XXYLT1: variants seen among roughly 807,000 people sequenced by gnomAD.
XXYLT1 encodes xyloside xylosyltransferase 1, also known as UDP-xylose:alpha-xyloside alpha-1,3-xylosyltransferase.
Under a neutral mutation model 28.9 loss-of-function variants are expected in XXYLT1, and 20 were observed. The ratio of observed to expected loss-of-function variants is 0.69; its 90% CI spans 0.49 to 1.00. XXYLT1 has a LOEUF of 1.00. Ranked by LOEUF, XXYLT1 falls within the 50% of genes least tolerant of loss-of-function variation. The pLI is 0.00. For synonymous variants in XXYLT1, 257 were observed against 253.8 expected (o/e 1.01, Z -0.12); for missense variants, 542 against 560.1 (o/e 0.97, Z 0.33).
rs936769052 is a variant in XXYLT1, at chr3:195,209,270, T to C, written c.652+17439A>G. On this transcript the variant is annotated intron_variant, in intron 2 of 3. Transcript: ENST00000310380. This position sits in a 1 kb window ranked among gnomAD's most constrained non-coding sequence, Gnocchi z 5.0. Reference sequence around the variant, plus strand: ...TAAGGCAGAGGAGACCTACGCCAGGTCCCCGGAGACAAGCCGCTCTCAAAC... The same window carrying C: ...TAAGGCAGAGGAGACCTACGCCAGGCCCCCGGAGACAAGCCGCTCTCAAAC... The C allele has an allele frequency of 6.6e-6, 1 of 152,278 alleles. No individual in the cohort carries two copies. The highest frequency in any genetic ancestry group is 2.4e-5 in the African/African-American group (1 of 41,444). The allele number at this position is 152,278 out of a possible 1,614,324, so 9.4% of individuals were successfully genotyped here.
chr3:195,110,671 G>A (rs1202166054), intron 3 of XXYLT1, among the ~76,000 whole-genome samples: 1 of 58,382 alleles, frequency 1.7e-5, no homozygotes, highest in Non-Finnish European at 3.9e-5. Flanking sequence ...TGTGTGTGGT[G>A]TATGTGTGTG....
rs1471973399 is a variant in XXYLT1, at chr3:195,110,259, G to A, written c.786-40148C>T. Reference sequence around the variant, plus strand: ...TGGTGTGCGTGTGTGGGTGAAGTGTGTGTGGGTGTGTGGTGTGTGTGGGGT... The same window carrying A: ...TGGTGTGCGTGTGTGGGTGAAGTGTATGTGGGTGTGTGGTGTGTGTGGGGT... On this transcript the variant is annotated intron_variant, in intron 3 of 3. Coordinates refer to ENST00000310380, the MANE Select transcript of XXYLT1 (RefSeq NM_152531.5). 1.5e-4 allele frequency among the ~76,000 whole-genome samples: 12 copies of A among 79,714 alleles called. 1 individual carries two copies. Among genetic ancestry groups the A allele is most frequent in the Non-Finnish European group, 2.0e-4 (7 of 34,942 alleles). The allele number at this position is 79,714 out of a possible 152,430, so 52.3% of individuals were successfully genotyped here.
chr3:195,126,408 T>G (rs1718631736), intron 3 of XXYLT1, among the ~76,000 whole-genome samples: 1 of 152,222 alleles, frequency 6.6e-6, no homozygotes, highest in South Asian at 2.1e-4. Context: ...ATTCATTCAC[T>G]CATTTACAGT....
intron 1 of XXYLT1, among the ~76,000 whole-genome samples, chr3:195,264,790 C>A (rs534040726): frequency 2.0e-5 from 3 of 152,278 alleles, no homozygotes; most frequent in Non-Finnish European, 2.9e-5. Flanking sequence ...CACAGCCGGG[C>A]GTGTTGGCTC....
At chr3:195,270,472 G>T in intron 1 of XXYLT1, 83 bp downstream of exon 1, 5 of 1,342,380 alleles carry the variant, frequency 3.7e-6, no homozygotes, top group Non-Finnish European at 4.8e-6. Context: ...CTAGTTCCCC[G>T]GATCCCCTCC....
chr3:195,251,512 G>A (rs930212231), intron 1 of XXYLT1, among the ~76,000 whole-genome samples: 4 of 152,166 alleles, frequency 2.6e-5, no homozygotes, highest in African/African-American at 9.6e-5. Context: ...CTGAGCACCG[G>A]GTCCAGACTT....
At chr3:195,167,450 G>A (rs761696038) in intron 2 of XXYLT1, among the ~76,000 whole-genome samples, 135 of 152,112 alleles carry the variant, frequency 8.9e-4, no homozygotes, top group Non-Finnish European at 1.5e-3. Flanking sequence ...AATTAGCCGG[G>A]AGTGGTGGTG....
intron 1 of XXYLT1, among the ~76,000 whole-genome samples, chr3:195,266,484 C>A (rs1010370954): frequency 5.9e-5 from 9 of 151,602 alleles, no homozygotes; most frequent in African/African-American, 2.2e-4. Context: ...CAGAGCAAGA[C>A]TCTATCACAA....
At chr3:195,134,282 T>G (rs557612723) in intron 3 of XXYLT1, among the ~76,000 whole-genome samples, 1 of 152,194 alleles carries the variant, frequency 6.6e-6, no homozygotes, top group African/African-American at 2.4e-5. Context: ...CTTACAGCAG[T>G]GCAAAGTAAC....
At chr3:195,215,169 A>C (rs1723514770) in intron 2 of XXYLT1, among the ~76,000 whole-genome samples, 1 of 151,598 alleles carries the variant, frequency 6.6e-6, no homozygotes. Context: ...TTCCTGAAGG[A>C]AGCACTAAAC....
chr3:195,200,461 T>C (rs541139433), intron 2 of XXYLT1, among the ~76,000 whole-genome samples: 16 of 152,326 alleles, frequency 1.1e-4, no homozygotes, highest in South Asian at 4.1e-4. Context: ...TGGAATTCCA[T>C]TGCTTCTCTG....
chr3:195,106,279 C>T (rs9860190), intron 3 of XXYLT1, among the ~76,000 whole-genome samples: 73,728 of 140,210 alleles, frequency 0.53, 19,894 homozygotes, highest in Non-Finnish European at 0.56. Flanking sequence ...GATGCTCTTG[C>T]TGTGTTTTTG....
At chr3:195,122,355 T>C (rs1024312702) in intron 3 of XXYLT1, among the ~76,000 whole-genome samples, 1 of 152,184 alleles carries the variant, frequency 6.6e-6, no homozygotes, top group Non-Finnish European at 1.5e-5. Flanking sequence ...AAAGTAAGGC[T>C]CTGATATCTC....
intron 3 of XXYLT1, among the ~76,000 whole-genome samples, chr3:195,083,857 C>T (rs1227024184): frequency 6.6e-6 from 1 of 152,138 alleles, no homozygotes; most frequent in African/African-American, 2.4e-5. Flanking sequence ...AAAACTCCAT[C>T]TCTACTAAAA....
At chr3:195,203,179 G>A (rs764762165) in intron 2 of XXYLT1, among the ~76,000 whole-genome samples, 20 of 151,988 alleles carry the variant, frequency 1.3e-4, no homozygotes, top group Non-Finnish European at 2.4e-4. Flanking sequence ...TGTTTTCAAC[G>A]TATTTCAGGG....
intron 1 of XXYLT1, among the ~76,000 whole-genome samples, chr3:195,243,437 T>G (rs1258444422): frequency 6.6e-6 from 1 of 151,788 alleles, no homozygotes; most frequent in Non-Finnish European, 1.5e-5. Context: ...CTTAACTGTC[T>G]GCCTAAAAGT....
intron 1 of XXYLT1, among the ~76,000 whole-genome samples, chr3:195,242,356 G>A (rs1560170492): frequency 6.6e-6 from 1 of 152,118 alleles, no homozygotes; most frequent in African/African-American, 2.4e-5. Flanking sequence ...GAAGACCCGG[G>A]CTACAATCAC....
At chr3:195,136,954 C>T (rs1345835125) in intron 3 of XXYLT1, among the ~76,000 whole-genome samples, 1 of 152,216 alleles carries the variant, frequency 6.6e-6, no homozygotes, top group African/African-American at 2.4e-5. Flanking sequence ...AACAGGTTCT[C>T]AAACTGAGAA....
At chr3:195,145,394 A>C (rs1719784630) in intron 3 of XXYLT1, among the ~76,000 whole-genome samples, 2 of 145,496 alleles carry the variant, frequency 1.4e-5, no homozygotes, top group African/African-American at 5.2e-5. Context: ...CCCTGCGAGC[A>C]TCTCTGTGAA....
Sources: gnomAD v4.1 joint callset for allele counts (sites outside exome capture counted in the v4.1 genomes callset) on GRCh38, gnomAD v4.1.1 for gene constraint, Gnocchi (gnomAD v3.1) non-coding constraint, MANE v1.5 for transcripts, NCBI Gene and HGNC (gene_info 2026-07-23, HGNC 2026-07-21) for gene names.